The following GRIK2 variants were observed in gnomAD, a reference collection of about 807,000 sequenced individuals.
GRIK2 encodes glutamate ionotropic receptor kainate type subunit 2, also known as glutamate receptor ionotropic, kainate 2.
A neutral mutation model predicts 100.3 loss-of-function variants in GRIK2; 32 were observed. The observed-to-expected ratio is 0.32, with a 90% CI of 0.24 to 0.43. The LOEUF is 0.43. GRIK2 is among the 20% of genes least tolerant of loss of function. The pLI is 1.00. For missense variants in GRIK2, 843 were observed against 1,114.9 expected (o/e 0.76, Z 3.47); for synonymous variants, 417 against 389.4 (o/e 1.07, Z -0.83).
At chr6:101,931,081 A>G (rs944065891) in intron 14 of GRIK2, among the ~76,000 whole-genome samples, 1 of 152,148 alleles carries the variant, frequency 6.6e-6, no homozygotes, top group African/African-American at 2.4e-5. Flanking sequence ...ACAAGACTAC[A>G]TTAAATGTTG....
At chr6:101,858,987 ATAT>A (rs778764359) in intron 10 of GRIK2, among the ~76,000 whole-genome samples, 1 of 151,914 alleles carries the variant, frequency 6.6e-6, no homozygotes. Context: ...TACATATCAC[ATAT>A]TATTGGTTAT....
chr6:101,606,013 A>G (rs186129481), intron 2 of GRIK2, among the ~76,000 whole-genome samples: 11 of 152,116 alleles, frequency 7.2e-5, no homozygotes, highest in African/African-American at 2.4e-4. Context: ...CATAGTTATG[A>G]TTTTTGCTGT....
At chr6:101,640,799 C>T (rs1781246015) in intron 4 of GRIK2, among the ~76,000 whole-genome samples, 1 of 152,102 alleles carries the variant, frequency 6.6e-6, no homozygotes, top group South Asian at 2.1e-4. Context: ...AGTAACTCCA[C>T]TTGAGAATCA....
intron 2 of GRIK2, among the ~76,000 whole-genome samples, chr6:101,517,887 A>G (rs927555273): frequency 2.6e-5 from 4 of 151,882 alleles, no homozygotes; most frequent in Admixed American, 2.0e-4. Flanking sequence ...GAAAGAGTCA[A>G]TGTTGGTCTT....
intron 14 of GRIK2, among the ~76,000 whole-genome samples, chr6:102,019,706 G>A (rs368424542): frequency 1.3e-5 from 2 of 151,986 alleles, no homozygotes; most frequent in African/African-American, 4.8e-5. Flanking sequence ...TACCAACCAA[G>A]GCAAAGGAAT....
At chr6:101,968,340 T>A (rs1220934820) in intron 14 of GRIK2, among the ~76,000 whole-genome samples, 3 of 152,046 alleles carry the variant, frequency 2.0e-5, no homozygotes, top group Admixed American at 6.6e-5. Flanking sequence ...TTAGGAGTTA[T>A]ATTTCCTACA....
intron 2 of GRIK2, among the ~76,000 whole-genome samples, chr6:101,453,641 T>A (rs538948964): frequency 1.3e-5 from 2 of 152,052 alleles, no homozygotes; most frequent in East Asian, 3.9e-4. Context: ...ACATTTAAAT[T>A]CTTAACTTTT....
At chr6:101,596,129 A>G (rs1207357873) in intron 2 of GRIK2, among the ~76,000 whole-genome samples, 1 of 151,000 alleles carries the variant, frequency 6.6e-6, no homozygotes, top group Non-Finnish European at 1.5e-5. Context: ...ATATTTTCAC[A>G]AGGCCTTTGG....
chr6:101,831,617 G>A (rs1336460648), intron 10 of GRIK2, among the ~76,000 whole-genome samples: 1 of 152,060 alleles, frequency 6.6e-6, no homozygotes, highest in African/African-American at 2.4e-5. Context: ...CCTGTCAGTG[G>A]AATAATATCA....
intron 14 of GRIK2, among the ~76,000 whole-genome samples, chr6:101,935,132 C>T (rs886544972): frequency 4.0e-5 from 6 of 151,830 alleles, no homozygotes; most frequent in South Asian, 2.1e-4. Flanking sequence ...TTTACTATTA[C>T]GCGGATTCTA....
chr6:101,838,692 C>A (rs1212224376), intron 10 of GRIK2, among the ~76,000 whole-genome samples: 1 of 146,734 alleles, frequency 6.8e-6, no homozygotes, highest in Non-Finnish European at 1.5e-5. Context: ...GCTCTTGTTG[C>A]CCAGGCTGGA....
At chr6:101,586,279 C>A (rs1180449153) in intron 2 of GRIK2, among the ~76,000 whole-genome samples, 1 of 151,122 alleles carries the variant, frequency 6.6e-6, no homozygotes, top group Non-Finnish European at 1.5e-5. Flanking sequence ...TGACTCTACC[C>A]AAGAGTATGA....
intron 10 of GRIK2, 126 bp from the exon 11 acceptor site, chr6:101,859,161 A>G (rs1784601474): frequency 1.7e-6 from 1 of 581,016 alleles, no homozygotes; most frequent in Admixed American, 3.0e-5. Context: ...TATAATTAGA[A>G]GAAAATAAAG....
At chr6:101,992,174 T>C (rs1794413299) in intron 14 of GRIK2, among the ~76,000 whole-genome samples, 1 of 151,494 alleles carries the variant, frequency 6.6e-6, no homozygotes, top group African/African-American at 2.4e-5. Context: ...GATCAGTCAG[T>C]TGCAGAAATC....
chr6:101,876,551 C>T (rs1393918339), intron 11 of GRIK2, among the ~76,000 whole-genome samples: 1 of 151,382 alleles, frequency 6.6e-6, no homozygotes, highest in Non-Finnish European at 1.5e-5. Context: ...ATTCAGGGCC[C>T]ACTTATTCTG....
intron 2 of GRIK2, among the ~76,000 whole-genome samples, chr6:101,612,153 G>T (rs1779707684): frequency 6.6e-6 from 1 of 151,822 alleles, no homozygotes; most frequent in South Asian, 2.1e-4. Flanking sequence ...CTGACCTTAG[G>T]AAGGCACTGA....
chr6:101,496,175 G>A (rs562646272), intron 2 of GRIK2, among the ~76,000 whole-genome samples: 66 of 152,120 alleles, frequency 4.3e-4, no homozygotes, highest in African/African-American at 1.5e-3. Flanking sequence ...TCGAACTCCC[G>A]ACCTCAGGTA....
At chr6:101,963,441 G>A (rs1403000171) in intron 14 of GRIK2, among the ~76,000 whole-genome samples, 1 of 147,136 alleles carries the variant, frequency 6.8e-6, no homozygotes, top group East Asian at 2.0e-4. Context: ...GGGACTACAG[G>A]CGCCTGCCAC....
intron 7 of GRIK2, among the ~76,000 whole-genome samples, chr6:101,704,686 A>G (rs1773133459): frequency 6.6e-6 from 1 of 151,428 alleles, no homozygotes; most frequent in African/African-American, 2.4e-5. Flanking sequence ...ACCCCCCGAA[A>G]AAAACCCATG....
Sources: allele counts gnomAD v4.1 joint callset (sites outside exome capture counted in the v4.1 genomes callset), GRCh38; gene constraint gnomAD v4.1.1; transcripts MANE v1.5; gene names NCBI Gene and HGNC (gene_info 2026-07-23, HGNC 2026-07-21).